The following MBNL1 variants were observed in gnomAD, a reference collection of about 807,000 sequenced individuals.
The protein encoded by MBNL1 is muscleblind like splicing regulator 1.
A neutral mutation model predicts 42.2 loss-of-function variants in MBNL1; 8 were observed. The ratio of observed to expected loss-of-function variants is 0.19; its 90% CI spans 0.11 to 0.34. MBNL1 has a LOEUF of 0.34. MBNL1 is among the 10% of genes least tolerant of loss of function. The pLI, the probability that MBNL1 is intolerant of heterozygous loss-of-function variation, is 1.00. For missense variants in MBNL1, 309 were observed against 495.3 expected (o/e 0.62, Z 3.57); for synonymous variants, 169 against 173.9 (o/e 0.97, Z 0.22).
At chr3:152,380,074 T>C (rs1300943926) in intron 2 of MBNL1, among the ~76,000 whole-genome samples, 1 of 152,114 alleles carries the variant, frequency 6.6e-6, no homozygotes, top group Non-Finnish European at 1.5e-5. Flanking sequence ...CATTGCTCAG[T>C]AGTACATAAC....
At chr3:152,457,569 A>G (rs1736248129) in intron 8 of MBNL1, 1 of 152,734 alleles carries the variant, frequency 6.5e-6, no homozygotes, top group African/African-American at 2.4e-5. Flanking sequence ...AGCTTTAAAC[A>G]TTTCTTGGCA....
intron 2 of MBNL1, among the ~76,000 whole-genome samples, chr3:152,349,297 AC>A (rs1391495385): frequency 6.6e-6 from 1 of 152,056 alleles, no homozygotes; most frequent in East Asian, 1.9e-4. Context: ...CTAGATTTTG[AC>A]TTAAGTTACC....
At chr3:152,355,701 A>G (rs1337649078) in intron 2 of MBNL1, among the ~76,000 whole-genome samples, 1 of 152,212 alleles carries the variant, frequency 6.6e-6, no homozygotes, top group East Asian at 1.9e-4. Context: ...ATTATTACAT[A>G]TAGTCCAAAA....
At chr3:152,433,666 C>T (rs2099037709) in intron 4 of MBNL1, among the ~76,000 whole-genome samples, 1 of 149,350 alleles carries the variant, frequency 6.7e-6, no homozygotes, top group African/African-American at 2.5e-5. Context: ...AGGAGAATGG[C>T]GTGAACCCGG....
At chr3:152,400,319 T>C (rs1223014367) in intron 2 of MBNL1, among the ~76,000 whole-genome samples, 1 of 152,162 alleles carries the variant, frequency 6.6e-6, no homozygotes, top group East Asian at 1.9e-4. Context: ...ACATTTGCTA[T>C]AGCTATGAAA....
chr3:152,428,004 A>G (rs1395122492), intron 3 of MBNL1, among the ~76,000 whole-genome samples: 2 of 151,946 alleles, frequency 1.3e-5, no homozygotes, highest in Non-Finnish European at 2.9e-5. Context: ...GATATTTGCA[A>G]CATTACAGCA....
At chr3:152,324,015 T>C (rs1271136869) in intron 2 of MBNL1, among the ~76,000 whole-genome samples, 1 of 152,226 alleles carries the variant, frequency 6.6e-6, no homozygotes, top group Non-Finnish European at 1.5e-5. Context: ...TATCTGTTGC[T>C]GACCCAGATA....
intron 4 of MBNL1, among the ~76,000 whole-genome samples, chr3:152,440,890 C>T (rs2099137369): frequency 6.6e-6 from 1 of 152,072 alleles, no homozygotes; most frequent in Non-Finnish European, 1.5e-5. Context: ...AAAAATTTAG[C>T]TTGTTAGTTC....
intron 5 of MBNL1, among the ~76,000 whole-genome samples, chr3:152,446,157 A>G (rs2099221583): frequency 6.6e-6 from 1 of 152,220 alleles, no homozygotes; most frequent in African/African-American, 2.4e-5. Flanking sequence ...TGGATCATTA[A>G]GAATAGCTAC....
In MBNL1 at chr3:152,269,626, T is replaced by G. The variant is rs1262693307; in HGVS notation, c.-790+534T>G. 7.4e-6 allele frequency: 3 copies of G among 403,834 alleles called. No homozygotes were observed. The East Asian group carries it at 2.7e-4, about 36-fold the overall frequency. 25.0% of individuals were successfully genotyped at this position (403,834 alleles called of 1,614,324 possible). On this transcript the variant is annotated intron_variant, in intron 1 of 9. Coordinates refer to ENST00000324210, the MANE Select transcript of MBNL1 (RefSeq NM_021038.5). ...GCATGACATGTTTAGCTGGGCTGCC[T>G]TATATGGAGAGTGCTGTATTTCAGG...
intron 2 of MBNL1, among the ~76,000 whole-genome samples, chr3:152,396,460 T>A (rs1022819132): frequency 6.6e-6 from 1 of 152,090 alleles, no homozygotes; most frequent in African/African-American, 2.4e-5. Context: ...TACTGTGTGA[T>A]CTTAGGCAAA....
chr3:152,464,772 A>G lies in MBNL1; in HGVS notation c.*2406A>G, dbSNP rs367813858. On this transcript the variant is annotated 3_prime_UTR_variant, in exon 10 of 10. Coordinates refer to ENST00000324210, the MANE Select transcript of MBNL1 (RefSeq NM_021038.5). The stretch of plus-strand genomic sequence containing the variant: ...ACTCTTGAGGGTTGATTATGCTGCA[A>G]TTTAGCATGTTGGAACGTCTAGGGA... 9 of 152,748 alleles carry G rather than the reference A, an allele frequency of 5.9e-5. No individual in the cohort carries two copies. The East Asian group carries it at 1.3e-3, about 23-fold the overall frequency. 9.5% of individuals were successfully genotyped at this position (152,748 alleles called of 1,614,324 possible).
chr3:152,450,100 C>T (rs1315017), intron 6 of MBNL1, among the ~76,000 whole-genome samples: 1 of 88,104 alleles, frequency 1.1e-5, no homozygotes, highest in African/African-American at 4.9e-5. Flanking sequence ...GACTCCATCT[C>T]AAAAAAAAAA....
intron 2 of MBNL1, among the ~76,000 whole-genome samples, chr3:152,362,413 A>C (rs2096043381): frequency 6.6e-6 from 1 of 152,194 alleles, no homozygotes; most frequent in Non-Finnish European, 1.5e-5. Flanking sequence ...TTAGTTTAAC[A>C]CTTTGTTTTA....
chr3:152,442,517 T>A (rs898364534), intron 4 of MBNL1, among the ~76,000 whole-genome samples: 18 of 152,270 alleles, frequency 1.2e-4, no homozygotes, highest in African/African-American at 4.3e-4. Context: ...AAATTCTCTG[T>A]ATGATAAATG....
intron 5 of MBNL1, chr3:152,446,759 T>G (rs1351631320): frequency 6.2e-7 from 1 of 1,612,980 alleles, no homozygotes; most frequent in Non-Finnish European, 8.5e-7. Context: ...TTTGACCTGG[T>G]ACTATGACCT....
chr3:152,458,358 T>C (rs1221325012), intron 8 of MBNL1: 3 of 605,816 alleles, frequency 5.0e-6, no homozygotes, highest in Admixed American at 3.0e-5. Context: ...GATGTCTAAA[T>C]TGAAAGAACA....
intron 4 of MBNL1, among the ~76,000 whole-genome samples, chr3:152,435,463 C>T (rs1376719190): frequency 6.6e-6 from 1 of 152,146 alleles, no homozygotes; most frequent in African/African-American, 2.4e-5. Context: ...TAGTTTGAGT[C>T]AGGTAATGTG....
chr3:152,319,949 A>G (rs575726248), intron 2 of MBNL1, among the ~76,000 whole-genome samples: 41 of 152,100 alleles, frequency 2.7e-4, no homozygotes, highest in Admixed American at 6.5e-4. Context: ...GAATAGCTTC[A>G]CTTTTTGGCA....
Sources: allele counts gnomAD v4.1 joint callset (sites outside exome capture counted in the v4.1 genomes callset), GRCh38; gene constraint gnomAD v4.1.1; transcripts MANE v1.5; gene names NCBI Gene and HGNC (gene_info 2026-07-23, HGNC 2026-07-21).